The following CSMD2 variants were observed in gnomAD, a reference collection of about 807,000 sequenced individuals.
The protein encoded by CSMD2 is CUB and Sushi multiple domains 2.
Under a neutral mutation model 398.5 loss-of-function variants are expected in CSMD2, and 130 were observed. The observed-to-expected ratio is 0.33, with a 90% CI of 0.28 to 0.38. CSMD2 has a LOEUF of 0.38. Among genes scored for constraint, CSMD2 ranks in the 10% least tolerant of loss-of-function variants. CSMD2 has a pLI of 1.00. For synonymous variants in CSMD2, 1,828 were observed against 1,908.5 expected (o/e 0.96, Z 1.10); for missense variants, 3,829 against 4,764.9 (o/e 0.80, Z 5.78).
At chr1:33,966,904 C>G (rs770279090) in intron 3 of CSMD2, among the ~76,000 whole-genome samples, 1 of 152,136 alleles carries the variant, frequency 6.6e-6, no homozygotes, top group Non-Finnish European at 1.5e-5. Context: ...CTGGGAGCCA[C>G]GTCAACATTT....
chr1:33,929,322 T>A (rs1644234396), intron 4 of CSMD2, among the ~76,000 whole-genome samples: 1 of 152,118 alleles, frequency 6.6e-6, no homozygotes, highest in African/African-American at 2.4e-5. Context: ...TTGTGGCTCT[T>A]GCTCAGCTAG....
At chr1:33,698,143 A>T (rs1243325755) in intron 24 of CSMD2, among the ~76,000 whole-genome samples, 1 of 152,228 alleles carries the variant, frequency 6.6e-6, no homozygotes. Context: ...TCTGCCTCAG[A>T]TCACTGTCTC....
intron 5 of CSMD2, among the ~76,000 whole-genome samples, chr1:33,905,475 G>C (rs4653361): frequency 6.6e-6 from 1 of 152,154 alleles, no homozygotes; most frequent in Non-Finnish European, 1.5e-5. Context: ...AACGACACTG[G>C]AATGGGCAAC....
chr1:34,032,012 AAT>A (rs1417130662), intron 3 of CSMD2, among the ~76,000 whole-genome samples: 1 of 152,108 alleles, frequency 6.6e-6, no homozygotes. Flanking sequence ...TAATAATAAT[AAT>A]AGTGTATAAT....
chr1:33,695,084 A>T (rs1645374716), intron 24 of CSMD2, among the ~76,000 whole-genome samples: 2 of 152,144 alleles, frequency 1.3e-5, no homozygotes, highest in Admixed American at 1.3e-4. Context: ...AGGAGAAGCA[A>T]GAGTTGACCA....
chr1:33,954,896 G>C (rs1192424465), intron 3 of CSMD2, among the ~76,000 whole-genome samples: 6 of 152,132 alleles, frequency 3.9e-5, no homozygotes, highest in African/African-American at 1.4e-4. Context: ...GGCGGGGATG[G>C]TTATACAACA....
chr1:33,704,487 T>C (rs1645710466), intron 22 of CSMD2, among the ~76,000 whole-genome samples: 1 of 152,192 alleles, frequency 6.6e-6, no homozygotes, highest in Non-Finnish European at 1.5e-5. Context: ...TTAGGAAAGT[T>C]CTATTTGTAG....
rs76317798 is a variant in CSMD2, at chr1:34,109,166, A to G, written c.188-19973T>C. ...AAGATCAATCCAGATCATTCTTTAA[A>G]TTAAGGCATTCAAAGGTCATCTGCA... On this transcript the variant is annotated intron_variant, in intron 1 of 70. Coordinates refer to ENST00000373381, the MANE Select transcript of CSMD2 (RefSeq NM_001281956.2). 5.9e-3 allele frequency among the ~76,000 whole-genome samples: 905 copies of G among 152,306 alleles called. 14 individuals carry two copies. The highest frequency in any genetic ancestry group is 0.021 in the African/African-American group (862 of 41,560).
At chr1:33,783,646 C>A (rs1034090694) in intron 12 of CSMD2, among the ~76,000 whole-genome samples, 3 of 152,124 alleles carry the variant, frequency 2.0e-5, no homozygotes, top group East Asian at 1.9e-4. Flanking sequence ...CTTCTCTAGA[C>A]ACATGGCCTC....
chr1:33,994,394 C>A (rs565798307), intron 3 of CSMD2, among the ~76,000 whole-genome samples: 1 of 152,076 alleles, frequency 6.6e-6, no homozygotes, highest in Non-Finnish European at 1.5e-5. Flanking sequence ...TGAGTGACCA[C>A]TGCCTCCCAC....
At chr1:33,873,905 C>G (rs1640649439) in intron 5 of CSMD2, 2 of 152,298 alleles carry the variant, frequency 1.3e-5, no homozygotes, top group Admixed American at 1.3e-4. Context: ...ATTACACTCT[C>G]TCCTCCCCAG....
chr1:33,554,740 T>C (rs1318332408), intron 55 of CSMD2, among the ~76,000 whole-genome samples: 2 of 152,184 alleles, frequency 1.3e-5, no homozygotes, highest in African/African-American at 4.8e-5. Context: ...GTTTATAGCA[T>C]GGTTTATTGA....
intron 3 of CSMD2, among the ~76,000 whole-genome samples, chr1:34,020,100 T>C (rs1404539632): frequency 6.6e-6 from 1 of 151,234 alleles, no homozygotes; most frequent in East Asian, 1.9e-4. Context: ...TGCTAGGGAG[T>C]GATGGGTAAC....
At chr1:34,135,070 T>C (rs574785211) in intron 1 of CSMD2, among the ~76,000 whole-genome samples, 1 of 152,296 alleles carries the variant, frequency 6.6e-6, no homozygotes, top group East Asian at 1.9e-4. Context: ...AAGCAATCTG[T>C]ATTTTAACAA....
chr1:33,739,075 C>A (rs1646972269), intron 15 of CSMD2, 65 bp downstream of exon 15: 5 of 1,509,336 alleles, frequency 3.3e-6, no homozygotes, highest in Non-Finnish European at 4.5e-6. Flanking sequence ...GCCTGGGCTG[C>A]TTGCTCCCCC....
At chr1:33,721,677 C>T (rs1044429885) in intron 19 of CSMD2, among the ~76,000 whole-genome samples, 3 of 152,188 alleles carry the variant, frequency 2.0e-5, no homozygotes, top group African/African-American at 7.2e-5. Context: ...GACCACCTGG[C>T]TAGTCTTGCC....
At chr1:33,736,655 G>A (rs1364700639) in intron 15 of CSMD2, among the ~76,000 whole-genome samples, 1 of 152,140 alleles carries the variant, frequency 6.6e-6, no homozygotes, top group Non-Finnish European at 1.5e-5. Flanking sequence ...AATTCCTGAG[G>A]GTTCCTCAGA....
intron 5 of CSMD2, among the ~76,000 whole-genome samples, chr1:33,850,251 C>G (rs1638609542): frequency 6.6e-6 from 1 of 152,118 alleles, no homozygotes; most frequent in Non-Finnish European, 1.5e-5. Flanking sequence ...ACACAGTTCT[C>G]CCGTCAAACA....
intron 2 of CSMD2, among the ~76,000 whole-genome samples, chr1:34,065,876 G>T (rs1391239614): frequency 6.6e-6 from 1 of 152,150 alleles, no homozygotes; most frequent in Non-Finnish European, 1.5e-5. Context: ...AGTTCAATGT[G>T]TGTATATTAT....
Sources: gnomAD v4.1 joint callset for allele counts (sites outside exome capture counted in the v4.1 genomes callset) on GRCh38, gnomAD v4.1.1 for gene constraint, MANE v1.5 for transcripts, NCBI Gene and HGNC (gene_info 2026-07-23, HGNC 2026-07-21) for gene names.